The following CDYL2 variants were observed in gnomAD, a reference collection of about 807,000 sequenced individuals.
The protein encoded by CDYL2 is chromodomain Y-like protein 2.
In CDYL2, 23 loss-of-function variants were observed where a neutral mutation model predicts 49.4. That is an observed-to-expected ratio of 0.47 (90% CI 0.34 to 0.66). CDYL2 has a LOEUF of 0.66. Ranked by LOEUF, CDYL2 falls within the 30% of genes least tolerant of loss-of-function variation. The probability of loss-of-function intolerance (pLI) is 0.01; values close to 1 mark genes in which losing one functional copy is unlikely to be tolerated. For synonymous variants in CDYL2, 360 were observed against 268.8 expected (o/e 1.34, Z -3.32); for missense variants, 678 against 656.4 (o/e 1.03, Z -0.36).
At position 80,759,001 on chromosome 16, in the gene CDYL2, T is replaced by C. The variant is rs531095773; in HGVS notation, c.24+45149A>G. ...AAAAATATCTGACCCAGGAAAATAT[T>C]TGAATAATTGCTAAATGGAAAACAC... On this transcript the variant is annotated intron_variant, in intron 1 of 6. Transcript: ENST00000570137. 6.5e-3 allele frequency among the ~76,000 whole-genome samples: 970 copies of C among 149,996 alleles called. 18 individuals are homozygous for C. Among genetic ancestry groups the C allele is most frequent in the African/African-American group, 0.022 (899 of 40,782 alleles).
At chr16:80,652,231 A>G (rs9935903) in intron 2 of CDYL2, among the ~76,000 whole-genome samples, 6,835 of 152,232 alleles carry the variant, frequency 0.045, 532 homozygotes, top group African/African-American at 0.16. Flanking sequence ...CTGTAAGTTT[A>G]TAAGTGCCAG....
At chr16:80,748,311 G>A (rs1420840239) in intron 1 of CDYL2, among the ~76,000 whole-genome samples, 1 of 148,502 alleles carries the variant, frequency 6.7e-6, no homozygotes, top group Non-Finnish European at 1.5e-5. Context: ...CAGATCACGA[G>A]GTCAGCAGGT....
At chr16:80,725,910 G>C (rs140307753) in intron 1 of CDYL2, among the ~76,000 whole-genome samples, 1 of 152,120 alleles carries the variant, frequency 6.6e-6, no homozygotes, top group Non-Finnish European at 1.5e-5. Context: ...CTAAGACATT[G>C]GGGCATGAAG....
intron 2 of CDYL2, among the ~76,000 whole-genome samples, chr16:80,679,552 C>G (rs75294035): frequency 0.027 from 4,083 of 152,302 alleles, 91 homozygotes; most frequent in African/African-American, 0.056. Context: ...CTACCTCTCA[C>G]GACTGCCATG....
intron 1 of CDYL2, among the ~76,000 whole-genome samples, chr16:80,776,814 T>C (rs1003370723): frequency 3.2e-4 from 49 of 151,802 alleles, no homozygotes; most frequent in African/African-American, 1.2e-3. Flanking sequence ...ACGTATATAT[T>C]ACAAAACTTT....
intron 2 of CDYL2, among the ~76,000 whole-genome samples, chr16:80,670,409 A>G (rs565768178): frequency 6.6e-6 from 1 of 152,186 alleles, no homozygotes; most frequent in South Asian, 2.1e-4. Flanking sequence ...CCACCACATG[A>G]AGGATGTGTT....
intron 3 of CDYL2, among the ~76,000 whole-genome samples, chr16:80,624,224 G>A (rs1034788435): frequency 6.6e-6 from 1 of 152,114 alleles, no homozygotes; most frequent in African/African-American, 2.4e-5. Context: ...GATGGAATCG[G>A]CTTTACCACA....
intron 1 of CDYL2, among the ~76,000 whole-genome samples, chr16:80,725,889 A>G (rs1023730816): frequency 4.6e-5 from 7 of 152,138 alleles, no homozygotes; most frequent in African/African-American, 1.7e-4. Context: ...GTGCCATTCA[A>G]CCCACAGCTT....
intron 2 of CDYL2, among the ~76,000 whole-genome samples, chr16:80,668,803 G>T (rs951983993): frequency 6.6e-6 from 1 of 152,122 alleles, no homozygotes; most frequent in South Asian, 2.1e-4. Context: ...GGAGGCTGAG[G>T]CAGGACAACC....
chr16:80,632,767 G>A (rs1294302491), intron 3 of CDYL2: 12 of 446,084 alleles, frequency 2.7e-5, no homozygotes, highest in African/African-American at 1.4e-4. Context: ...CTGTGTCCAC[G>A]ATCAGTTCAG....
chr16:80,648,763 A>T (rs1338765106), intron 2 of CDYL2, among the ~76,000 whole-genome samples: 2 of 152,078 alleles, frequency 1.3e-5, no homozygotes, highest in African/African-American at 4.8e-5. Flanking sequence ...ACAAAATACT[A>T]GCAAACTGAA....
At chr16:80,682,439 G>C (rs987893458) in intron 2 of CDYL2, among the ~76,000 whole-genome samples, 30 of 152,176 alleles carry the variant, frequency 2.0e-4, no homozygotes, top group Admixed American at 1.6e-3. Context: ...GGACCAGGGG[G>C]CATCAGCAAA....
chr16:80,731,956 G>C (rs75271942), intron 1 of CDYL2, among the ~76,000 whole-genome samples: 2,050 of 151,928 alleles, frequency 0.013, 12 homozygotes, highest in Middle Eastern at 0.021. Flanking sequence ...ATGGTGAAGG[G>C]GATCCAGGGT....
At chr16:80,647,245 G>C (rs1000116845) in intron 2 of CDYL2, among the ~76,000 whole-genome samples, 4 of 152,102 alleles carry the variant, frequency 2.6e-5, no homozygotes, top group African/African-American at 4.8e-5. Flanking sequence ...CATGTTCATG[G>C]ATTTAAGGAA....
chr16:80,644,514 C>A (rs1324533131), intron 2 of CDYL2, among the ~76,000 whole-genome samples: 1 of 152,126 alleles, frequency 6.6e-6, no homozygotes, highest in African/African-American at 2.4e-5. Flanking sequence ...GACTGGGGAA[C>A]AAAAGAGGTT....
intron 1 of CDYL2, among the ~76,000 whole-genome samples, chr16:80,762,500 C>T (rs1208957408): frequency 6.6e-6 from 1 of 152,196 alleles, no homozygotes; most frequent in Non-Finnish European, 1.5e-5. Flanking sequence ...GCCAAAGCGT[C>T]AGATGGCATC....
chr16:80,708,858 T>C (rs10153186), intron 1 of CDYL2, among the ~76,000 whole-genome samples: 6,076 of 152,282 alleles, frequency 0.04, 141 homozygotes, highest in East Asian at 0.095. Context: ...CTGGTAATGA[T>C]GAAATCTTTA....
chr16:80,710,617 C>T (rs910680204), intron 1 of CDYL2, among the ~76,000 whole-genome samples: 2 of 152,028 alleles, frequency 1.3e-5, no homozygotes, highest in African/African-American at 4.8e-5. Flanking sequence ...TGTGTGTAAA[C>T]AGGTTAACTG....
chr16:80,689,110 C>A (rs1910312160), intron 1 of CDYL2, among the ~76,000 whole-genome samples: 1 of 152,036 alleles, frequency 6.6e-6, no homozygotes, highest in South Asian at 2.1e-4. Context: ...TTAGAAAATC[C>A]TGTGTACACA....
Sources: gnomAD v4.1 joint callset for allele counts (sites outside exome capture counted in the v4.1 genomes callset) on GRCh38, gnomAD v4.1.1 for gene constraint, MANE v1.5 for transcripts, NCBI Gene and HGNC (gene_info 2026-07-23, HGNC 2026-07-21) for gene names.